PDZD7: variants seen among roughly 807,000 people sequenced by gnomAD.
The protein encoded by PDZD7 is PDZ domain-containing protein 7.
Under a neutral mutation model 84.7 loss-of-function variants are expected in PDZD7, and 72 were observed. That is an observed-to-expected ratio of 0.85 (90% CI 0.70 to 1.03). The LOEUF (loss-of-function observed/expected upper bound fraction) is 1.03. PDZD7 is among the 50% of genes least tolerant of loss of function. The pLI is 0.00. For synonymous variants in PDZD7, 594 were observed against 580.7 expected (o/e 1.02, Z -0.33); for missense variants, 1,490 against 1,412.9 (o/e 1.05, Z -0.87).
chr10:101,022,208 C>T lies in PDZD7; in HGVS notation c.719+1G>A. 2 of 1,614,238 alleles carry T rather than the reference C, an allele frequency of 1.2e-6. No homozygotes were observed. The highest frequency in any genetic ancestry group is 1.7e-6 in the Non-Finnish European group (2 of 1,180,038). On this transcript the variant is annotated splice_donor_variant, in intron 5 of 16. Coordinates refer to ENST00000619208, the MANE Select transcript of PDZD7 (RefSeq NM_001195263.2). LOFTEE classifies it high-confidence loss of function. ...AAGACACTTCCTGCCTCAGCCCTCA[C>T]TTGGACACATAGATGCCCAGGCCAA...
At chr10:101,026,059 C>T (rs1259659800) in intron 2 of PDZD7, among the ~76,000 whole-genome samples, 2 of 152,274 alleles carry the variant, frequency 1.3e-5, no homozygotes, top group East Asian at 1.9e-4. Flanking sequence ...TACGTATGTG[C>T]CCAAGGCGGC....
chr10:101,023,668 C>G (rs924417560), intron 3 of PDZD7, 58 bp from the exon 4 acceptor site: 15 of 1,588,604 alleles, frequency 9.4e-6, no homozygotes, highest in Admixed American at 5.1e-5. Context: ...TGAGCCTCCC[C>G]CATCAGATGG....
chr10:101,014,227 G>A (rs1235929266), intron 11 of PDZD7, among the ~76,000 whole-genome samples: 1 of 152,074 alleles, frequency 6.6e-6, no homozygotes, highest in African/African-American at 2.4e-5. Flanking sequence ...GGAGAGAAGG[G>A]AAGCCTGGAG....
At chr10:101,017,395 T>A in intron 9 of PDZD7, 6 of 177,070 alleles carry the variant, frequency 3.4e-5, no homozygotes, top group Non-Finnish European at 4.6e-5. Flanking sequence ...TTTCTTTTAC[T>A]TTTTTTTTTT....
In PDZD7 at chr10:101,008,579, G is replaced by T; in HGVS notation, c.2990C>A (p.Pro997His). 2 of 1,535,904 alleles carry T rather than the reference G, an allele frequency of 1.3e-6. No homozygotes were observed. The highest frequency in any genetic ancestry group is 2.4e-5 in the South Asian group (2 of 84,042). ...CCTGGCATCAGTGGGAGGAGTCTGG[G>T]GATTGGTGGGAGGTTCTGGGAGCCA... ...AHWLPEPPTNPQTPPTDARLL... is the reference protein window; with the variant it reads ...AHWLPEPPTNHQTPPTDARLL... The change falls in exon 17 of 17, where the codon CCC becomes CAC. Residue 997 changes from proline (P) to histidine (H), a missense_variant. By Grantham distance (77) the Pro-to-His change is moderately conservative. Coordinates refer to ENST00000619208, the MANE Select transcript of PDZD7 (RefSeq NM_001195263.2).
chr10:101,017,399 T>C, intron 9 of PDZD7: 1 of 433,830 alleles, frequency 2.3e-6, no homozygotes, highest in Non-Finnish European at 4.1e-6. Context: ...TTTTACTTTT[T>C]TTTTTTCTTT....
chr10:101,023,462 G>A lies in PDZD7; in HGVS notation c.516C>T (p.Ile172=). Residue 172 remains isoleucine (I), a synonymous_variant, in exon 4 of 17, where the codon ATC becomes ATT. Transcript: ENST00000619208. ...ACGTGGTCTTCTCCTTGGAGAACTT[G>A]ATGCCCGGCACACGGCCCATGCGCC... The part of the protein sequence containing the change: ...MVRRMGRVPG[I]KFSKEKTTWV... The A allele has an allele frequency of 6.2e-7, 1 of 1,614,064 alleles. No individual in the cohort carries two copies. Among genetic ancestry groups the A allele is most frequent in the Non-Finnish European group, 8.5e-7 (1 of 1,180,018 alleles).
chr10:101,013,895 G>A, intron 11 of PDZD7, among the ~76,000 whole-genome samples: 1 of 149,832 alleles, frequency 6.7e-6, no homozygotes, highest in East Asian at 1.9e-4. Context: ...TTGTTCTCAG[G>A]TTGGAGTGCA....
intron 9 of PDZD7, chr10:101,017,850 A>AGAAAGAAAGAAAGAAAGAAAG (rs370689338): frequency 5.7e-6 from 2 of 347,970 alleles, no homozygotes; most frequent in Middle Eastern, 7.3e-4. Context: ...AAAGAAAGAA[A>AGAAAGAAAGAAAGAAAGAAAG]GAAAGAAAGA....
chr10:101,018,891 C>T lies in PDZD7; in HGVS notation c.1255G>A (p.Ala419Thr). Reference protein sequence around the residue: ...DSALSESPKTALLLALSRPRP... With the variant: ...DSALSESPKTTLLLALSRPRP... Reference sequence around the variant, plus strand: ...GGTCGGCTGAGGGCCAGCAGCAAAGCCGTCTTGGGAGACTCAGAGAGCGCA... The same window carrying T: ...GGTCGGCTGAGGGCCAGCAGCAAAGTCGTCTTGGGAGACTCAGAGAGCGCA... Residue 419 changes from alanine to threonine, a missense_variant, in exon 8 of 17, where the codon GCT becomes ACT. Coordinates refer to ENST00000619208, the MANE Select transcript of PDZD7 (RefSeq NM_001195263.2). 1 of 1,604,786 alleles carries T rather than the reference C, an allele frequency of 6.2e-7. No homozygotes were observed. Among genetic ancestry groups the T allele is most frequent in the Non-Finnish European group, 8.5e-7 (1 of 1,176,156 alleles).
intron 4 of PDZD7, chr10:101,023,128 T>A: frequency 2.8e-6 from 1 of 351,456 alleles, no homozygotes; most frequent in Non-Finnish European, 5.4e-6. Flanking sequence ...TTGCCCAGGC[T>A]AGGCCCCATT....
chr10:101,012,387 AG>A lies in PDZD7; in HGVS notation c.1750-130del, dbSNP rs1245662933. ...TATCCAGCCCTGCGTGCCTTGGGAA[AG>A]GTTCACTCCACCCCCAGCTGCCACA... On this transcript the variant is annotated intron_variant, in intron 11 of 16. Coordinates refer to ENST00000619208, the MANE Select transcript of PDZD7 (RefSeq NM_001195263.2). 4 of 787,596 alleles carry A rather than the reference AG, an allele frequency of 5.1e-6. No homozygotes were observed. In the African/African-American group the frequency reaches 6.8e-5, roughly 13 times the overall value. The allele number at this position is 787,596 out of a possible 1,614,324, so 48.8% of individuals were successfully genotyped here. A position where few individuals can be genotyped will look rare whatever the true frequency, so the allele number is the denominator to read the frequency against.
chr10:101,008,726 C>T lies in PDZD7; in HGVS notation c.2843G>A (p.Arg948Lys), dbSNP rs1318559327. The T allele has an allele frequency of 1.3e-6, 2 of 1,535,986 alleles. No individual in the cohort carries two copies. Among genetic ancestry groups the T allele is most frequent in the East Asian group, 2.4e-5 (1 of 40,896 alleles). The change falls in exon 17 of 17, where the codon AGG becomes AAG. Residue 948 changes from arginine to lysine, a missense_variant. Transcript: ENST00000619208. ...KAREPMELVV[R>K]VPGPSPRPSP... is the part of the protein sequence containing the mutation. ...GGGCCGTGGGCTGGGCCCGGGGACC[C>T]TGACCACAAGCTCCATGGGCTCCCG... is the stretch of plus-strand genomic sequence containing the variant.
chr10:101,014,612 G>A (rs1443769045), intron 11 of PDZD7, among the ~76,000 whole-genome samples: 4 of 151,662 alleles, frequency 2.6e-5, no homozygotes, highest in Admixed American at 6.6e-5. Flanking sequence ...GCTGCAAACC[G>A]GGCCTTGATA....
At chr10:101,028,503 G>A (rs982225053) in intron 2 of PDZD7, among the ~76,000 whole-genome samples, 2 of 152,068 alleles carry the variant, frequency 1.3e-5, no homozygotes. Flanking sequence ...GCTGAGGCTG[G>A]AGGATCACTT....
At chr10:101,030,721 G>A in intron 1 of PDZD7, 1 of 227,684 alleles carries the variant, frequency 4.4e-6, no homozygotes, top group Non-Finnish European at 9.0e-6. Flanking sequence ...GGTCAGGACA[G>A]CTCATGGCAT....
At chr10:101,028,761 C>T (rs930921438) in intron 2 of PDZD7, among the ~76,000 whole-genome samples, 13 of 152,190 alleles carry the variant, frequency 8.5e-5, no homozygotes, top group African/African-American at 2.9e-4. Context: ...GCCTGCTTCC[C>T]TTTTCCCCAA....
intron 2 of PDZD7, among the ~76,000 whole-genome samples, chr10:101,028,600 CTT>C (rs1395973080): frequency 3.1e-5 from 4 of 129,190 alleles, no homozygotes; most frequent in African/African-American, 1.1e-4. Flanking sequence ...CCCTTTCCCT[CTT>C]AAAAAAAAAA....
rs767118841 is a variant in PDZD7, at chr10:101,019,011, G to A, written c.1135C>T (p.Arg379Trp). The A allele has an allele frequency of 1.3e-6, 2 of 1,574,414 alleles. No homozygotes were observed. The highest frequency in any genetic ancestry group is 1.7e-6 in the Non-Finnish European group (2 of 1,162,582). The change falls in exon 8 of 17, where the codon CGG (arginine) becomes TGG (tryptophan). Residue 379 changes from arginine (R) to tryptophan (W), a missense_variant. Arg to Trp is a moderately radical substitution (Grantham distance 101). Transcript: ENST00000619208. ...CGCACGCTGCACCAGGTCTCCACCC[G>A]GCCTCCCGCATCGGGCTCCGTCTGC... is the stretch of plus-strand genomic sequence containing the variant. ...AMQTEPDAGG[R>W]VETWCSVRPT...
Sources: allele counts gnomAD v4.1 joint callset (sites outside exome capture counted in the v4.1 genomes callset), GRCh38; gene constraint gnomAD v4.1.1; transcripts MANE v1.5; gene names NCBI Gene and HGNC (gene_info 2026-07-23, HGNC 2026-07-21).